The following ANTXR1 variants were observed in gnomAD, a reference collection of about 807,000 sequenced individuals.
The protein encoded by ANTXR1 is anthrax toxin receptor 1.
In ANTXR1, 19 loss-of-function variants were observed where a neutral mutation model predicts 78.1. The observed-to-expected ratio is 0.24, with a 90% CI of 0.17 to 0.36. The LOEUF is 0.36. Among genes scored for constraint, ANTXR1 ranks in the 10% least tolerant of loss-of-function variants. The pLI is 1.00. For missense variants in ANTXR1, 518 were observed against 718.6 expected (o/e 0.72, Z 3.19); for synonymous variants, 273 against 260.5 (o/e 1.05, Z -0.46).
intron 17 of ANTXR1, among the ~76,000 whole-genome samples, chr2:69,215,191 C>T (rs1208516343): frequency 6.6e-6 from 1 of 152,138 alleles, no homozygotes; most frequent in Non-Finnish European, 1.5e-5. Context: ...CCCATGGGGA[C>T]AGCCTCACTG....
chr2:69,028,446 G>A (rs1671425221), intron 1 of ANTXR1, among the ~76,000 whole-genome samples: 1 of 151,916 alleles, frequency 6.6e-6, no homozygotes, highest in Non-Finnish European at 1.5e-5. Flanking sequence ...AAGAAATTCT[G>A]ATGGATTTAT....
At chr2:69,031,053 A>G (rs1671517485) in intron 1 of ANTXR1, among the ~76,000 whole-genome samples, 1 of 152,222 alleles carries the variant, frequency 6.6e-6, no homozygotes, top group African/African-American at 2.4e-5. Flanking sequence ...TTTGTGCTAC[A>G]AAAAGCAGAG....
At chr2:69,064,584 A>G (rs1363954521) in intron 3 of ANTXR1, among the ~76,000 whole-genome samples, 3 of 152,242 alleles carry the variant, frequency 2.0e-5, no homozygotes, top group Non-Finnish European at 2.9e-5. Flanking sequence ...AGTCCACCAC[A>G]TACAATTATA....
intron 1 of ANTXR1, among the ~76,000 whole-genome samples, chr2:69,015,474 A>C (rs907702479): frequency 6.6e-6 from 1 of 152,014 alleles, no homozygotes; most frequent in Non-Finnish European, 1.5e-5. Flanking sequence ...CATTTAGTGG[A>C]ATTTCCAATC....
At chr2:69,067,306 C>CA (rs58081284) in intron 3 of ANTXR1, among the ~76,000 whole-genome samples, 5,054 of 84,264 alleles carry the variant, frequency 0.06, 225 homozygotes, top group East Asian at 0.14. Flanking sequence ...TGTTCTGGTA[C>CA]AAAAAAAAAA....
At chr2:69,148,440 C>A in intron 12 of ANTXR1, among the ~76,000 whole-genome samples, 1 of 152,300 alleles carries the variant, frequency 6.6e-6, no homozygotes, top group East Asian at 1.9e-4. Flanking sequence ...AACAATAGCC[C>A]GCTGGTCTGC....
intron 17 of ANTXR1, among the ~76,000 whole-genome samples, chr2:69,232,312 A>G (rs1356490048): frequency 6.6e-6 from 1 of 152,194 alleles, no homozygotes; most frequent in East Asian, 1.9e-4. Flanking sequence ...GTAAAAATCA[A>G]CTATAACTTA....
intron 17 of ANTXR1, among the ~76,000 whole-genome samples, chr2:69,244,509 T>C (rs1024786602): frequency 2.0e-5 from 3 of 152,190 alleles, no homozygotes; most frequent in African/African-American, 7.2e-5. Context: ...GAGGAAGCTG[T>C]ATTGATCACA....
intron 14 of ANTXR1, 128 bp from the exon 15 acceptor site, chr2:69,181,658 C>T (rs376546370): frequency 1.1e-6 from 1 of 893,556 alleles, no homozygotes; most frequent in East Asian, 2.5e-5. Context: ...TTCTAGGAAA[C>T]AGTAGCACTG....
In ANTXR1 at chr2:69,199,446, C is replaced by T. The variant is rs182221889; in HGVS notation, c.1434+6031C>T. 2.8e-3 allele frequency among the ~76,000 whole-genome samples: 434 copies of T among 152,282 alleles called. 2 individuals are homozygous for T. Among genetic ancestry groups the T allele is most frequent in the Middle Eastern group, 6.8e-3 (2 of 294 alleles). On this transcript the variant is annotated intron_variant, in intron 17 of 17. Transcript: ENST00000303714. ...CTTTTCTATATTTCTCCATAGAGCA[C>T]CTATTGACACAACTGGAGAATAACT...
At chr2:69,205,400 G>A (rs1335623598) in intron 17 of ANTXR1, among the ~76,000 whole-genome samples, 2 of 152,084 alleles carry the variant, frequency 1.3e-5, no homozygotes, top group African/African-American at 4.8e-5. Flanking sequence ...TCCAGTCTTT[G>A]TCCACCCAAA....
In ANTXR1 at chr2:69,245,541, G is replaced by A. The variant is rs1676003266; in HGVS notation, c.*56G>A. On this transcript the variant is annotated 3_prime_UTR_variant, in exon 18 of 18. Transcript: ENST00000303714. ...GAAACTTCAGGAGATGTTAGAACAA[G>A]TCTTTCCAGTTAGAGAAGAGGAGTG... 6.2e-7 allele frequency: 1 copy of A among 1,602,976 alleles called. No homozygotes were observed. Among genetic ancestry groups the A allele is most frequent in the Admixed American group, 1.7e-5 (1 of 57,788 alleles).
rs769485317 is a variant in ANTXR1 at position 69,013,679 on chromosome 2, C to T, written c.152+28C>T. 3.2e-6 allele frequency: 5 copies of T among 1,551,318 alleles called. No homozygotes were observed. In the South Asian group the frequency reaches 5.9e-5, roughly 18 times the overall value. Reference sequence around the variant, plus strand: ...AAGTGCCGCGAGTTGTCCCCCCCACCCCAGGCTAAGCGGGCGAAAACGCTT... The same window carrying T: ...AAGTGCCGCGAGTTGTCCCCCCCACTCCAGGCTAAGCGGGCGAAAACGCTT... On this transcript the variant is annotated intron_variant, in intron 1 of 17. Transcript: ENST00000303714. This position sits in a 1 kb window ranked among gnomAD's most constrained non-coding sequence, Gnocchi z 5.0.
chr2:69,020,846 G>C (rs1268849904), intron 1 of ANTXR1, among the ~76,000 whole-genome samples: 1 of 152,210 alleles, frequency 6.6e-6, no homozygotes, highest in Non-Finnish European at 1.5e-5. Flanking sequence ...ATTTGGCATA[G>C]ATGACATACT....
At chr2:69,233,901 G>C (rs1675687279) in intron 17 of ANTXR1, among the ~76,000 whole-genome samples, 1 of 151,894 alleles carries the variant, frequency 6.6e-6, no homozygotes, top group African/African-American at 2.4e-5. Context: ...CTAAGAGTAG[G>C]ATGCTAAAAT....
intron 3 of ANTXR1, among the ~76,000 whole-genome samples, chr2:69,051,157 G>A (rs182127915): frequency 1.2e-4 from 19 of 152,032 alleles, no homozygotes; most frequent in Non-Finnish European, 2.4e-4. Flanking sequence ...ATGTTGGTGC[G>A]CACCTGTAAT....
chr2:69,218,918 G>A (rs1020278009), intron 17 of ANTXR1, among the ~76,000 whole-genome samples: 4 of 152,122 alleles, frequency 2.6e-5, no homozygotes, highest in African/African-American at 9.7e-5. Context: ...GAGCGACTTT[G>A]GTCTGAAAGG....
intron 1 of ANTXR1, among the ~76,000 whole-genome samples, chr2:69,030,144 G>A (rs1335264112): frequency 1.3e-5 from 2 of 152,100 alleles, no homozygotes; most frequent in Admixed American, 6.5e-5. Flanking sequence ...TAGGTAAAAT[G>A]CTCAGTCTTT....
intron 17 of ANTXR1, among the ~76,000 whole-genome samples, chr2:69,210,765 G>A (rs550636622): frequency 4.6e-4 from 70 of 151,888 alleles, no homozygotes; most frequent in Non-Finnish European, 7.8e-4. Context: ...GCGAAACCCC[G>A]TCTCTAACAA....
Sources: allele counts gnomAD v4.1 joint callset (sites outside exome capture counted in the v4.1 genomes callset), GRCh38; gene constraint gnomAD v4.1.1; non-coding constraint Gnocchi (gnomAD v3.1); transcripts MANE v1.5; gene names NCBI Gene and HGNC (gene_info 2026-07-23, HGNC 2026-07-21).